BRWD3: variants seen among roughly 807,000 people sequenced by gnomAD.
The protein encoded by BRWD3 is bromodomain and WD repeat-containing protein 3.
A neutral mutation model predicts 149.7 loss-of-function variants in BRWD3; 10 were observed. The ratio of observed to expected loss-of-function variants is 0.07; its 90% CI spans 0.04 to 0.11. BRWD3 has a LOEUF of 0.11. BRWD3 is among the 10% of genes least tolerant of loss of function. The probability of loss-of-function intolerance (pLI) is 1.00; values close to 1 mark genes in which losing one functional copy is unlikely to be tolerated. For synonymous variants in BRWD3, 504 were observed against 456.7 expected (o/e 1.10, Z -1.32); for missense variants, 940 against 1,373.2 (o/e 0.68, Z 4.99).
At chrX:80,712,741 G>A (rs1480273155) in intron 20 of BRWD3, among the ~76,000 whole-genome samples, 2 of 109,506 alleles carry the variant, frequency 1.8e-5, no homozygotes, top group African/African-American at 6.6e-5. Context: ...CTGAGATGTG[G>A]GGAGCGCCTC....
chrX:80,717,646 T>C lies in BRWD3; in HGVS notation c.2158A>G (p.Met720Val). ...GCCATGAGATCTCTTTCAGTGGCCA[T>C]CTGGCTCCGAGGAGCATTGTTATGC... ...QMHNNAPRSQ[M>V]ATERDLMAWS... is the part of the protein sequence containing the mutation. The change falls in exon 19 of 41, where the codon ATG (methionine) becomes GTG (valine). Residue 720 changes from methionine to valine, a missense_variant. By Grantham distance (21) the Met-to-Val change is conservative (BLOSUM62 1). Around this residue, in one of 6 missense-constraint regions of BRWD3, gnomAD observed 103 missense variants for 103.2 expected, o/e 1.00. Transcript: ENST00000373275. 1 of 1,211,625 alleles carries C rather than the reference T, an allele frequency of 8.3e-7. No homozygotes were observed. The highest frequency in any genetic ancestry group is 1.1e-6 in the Non-Finnish European group (1 of 895,191).
At chrX:80,750,025 A>C (rs2073644847) in intron 6 of BRWD3, among the ~76,000 whole-genome samples, 1 of 112,051 alleles carries the variant, frequency 8.9e-6, no homozygotes, top group Admixed American at 9.5e-5. Flanking sequence ...GTGCTGGGAA[A>C]CTGGATATCT....
At position 80,692,079 on chromosome X, in the gene BRWD3, G is replaced by A; in HGVS notation, c.3325+10C>T. ...AAGAATTATAATTCATTTTTTAAAA[G>A]CATATTTACTTCCTTCTGGAATTGG... On this transcript the variant is annotated intron_variant, in intron 29 of 40. Transcript: ENST00000373275. The A allele has an allele frequency of 1.7e-6, 2 of 1,199,034 alleles. No individual in the cohort carries two copies. Among genetic ancestry groups the A allele is most frequent in the Non-Finnish European group, 2.3e-6 (2 of 885,720 alleles).
rs771767693 is a variant in BRWD3 at position 80,670,559 on chromosome X, C to G, written c.*6050G>C. ...CTCCCAAGTACCTGGGACTTACAGG[C>G]ACACACAACCATGCCCAGCTAATTA... On this transcript the variant is annotated 3_prime_UTR_variant, in exon 41 of 41. Coordinates refer to ENST00000373275, the MANE Select transcript of BRWD3 (RefSeq NM_153252.5). Among the ~76,000 whole-genome samples the G allele has an allele frequency of 1.8e-5, 2 of 109,332 alleles. No homozygotes were observed. Among genetic ancestry groups the G allele is most frequent in the East Asian group, 5.8e-4 (2 of 3,456 alleles). The allele number at this position is 109,332 out of a possible 115,157, so 94.9% of individuals were successfully genotyped here.
chrX:80,696,556 ACACAC>A (rs1473855152), intron 26 of BRWD3, among the ~76,000 whole-genome samples, 178 bp downstream of exon 26: 12 of 109,555 alleles, frequency 1.1e-4, no homozygotes, highest in Non-Finnish European at 2.1e-4. Context: ...ACACACACAC[ACACAC>A]ACAAATATAA....
chrX:80,695,098 A>G (rs1170282923), intron 27 of BRWD3, among the ~76,000 whole-genome samples: 1 of 111,103 alleles, frequency 9.0e-6, no homozygotes, highest in Non-Finnish European at 1.9e-5. Context: ...GTGAGTTTTC[A>G]CAAGATCTGA....
At chrX:80,801,128 T>C (rs2074290362) in intron 4 of BRWD3, among the ~76,000 whole-genome samples, 1 of 106,154 alleles carries the variant, frequency 9.4e-6, no homozygotes, top group African/African-American at 3.4e-5. Context: ...ATCATGCTTC[T>C]AAAAAAAGTT....
intron 6 of BRWD3, among the ~76,000 whole-genome samples, chrX:80,750,058 A>G (rs1250968710): frequency 8.9e-6 from 1 of 111,930 alleles, no homozygotes; most frequent in Non-Finnish European, 1.9e-5. Flanking sequence ...ATGAAATTGA[A>G]CCCTATTCTC....
intron 10 of BRWD3, 44 bp downstream of exon 10, chrX:80,735,083 G>A (rs377755818): frequency 3.5e-5 from 37 of 1,068,353 alleles, no homozygotes; most frequent in East Asian, 1.2e-4. Context: ...CAACTGGATC[G>A]TTAAATATTC....
chrX:80,733,084 C>G (rs6616699), intron 12 of BRWD3: 1 of 114,193 alleles, frequency 8.8e-6, no homozygotes, highest in African/African-American at 3.5e-5. Context: ...GAGCCAAGAT[C>G]GCACCACCGC....
chrX:80,736,091 T>TAAAA lies in BRWD3; in HGVS notation c.814-7_814-4dup. On this transcript the variant is annotated splice_polypyrimidine_tract_variant and splice_region_variant and intron_variant, in intron 8 of 40. Coordinates refer to ENST00000373275, the MANE Select transcript of BRWD3 (RefSeq NM_153252.5). ...GTGCCTTTAGTTGATGGACAAAACT[T>TAAAA]AAAAAAAAAAAAATCTGATTCAAAT... 1.1e-6 allele frequency: 1 copy of TAAAA among 917,973 alleles called. No individual in the cohort carries two copies. The highest frequency in any genetic ancestry group is 1.5e-6 in the Non-Finnish European group (1 of 673,290). The allele number at this position is 917,973 out of a possible 1,213,427, so 75.7% of individuals were successfully genotyped here. A position where few individuals can be genotyped will look rare whatever the true frequency, so the allele number is the denominator to read the frequency against.
At chrX:80,746,882 G>A in intron 6 of BRWD3, 1 of 729,940 alleles carries the variant, frequency 1.4e-6, no homozygotes, top group South Asian at 7.0e-5. Flanking sequence ...CATTTTAACT[G>A]ACAAAATGAC....
intron 6 of BRWD3, among the ~76,000 whole-genome samples, chrX:80,772,449 C>T (rs1602418530): frequency 9.0e-6 from 1 of 110,647 alleles, no homozygotes; most frequent in African/African-American, 3.3e-5. Context: ...CGGGGAACAT[C>T]ACACCCTGGG....
intron 14 of BRWD3, among the ~76,000 whole-genome samples, chrX:80,726,273 TTA>T (rs776780477): frequency 1.1e-5 from 1 of 88,166 alleles, no homozygotes; most frequent in Admixed American, 1.1e-4. Context: ...CGTTTACATG[TTA>T]TGTCTGTATA....
chrX:80,780,467 C>T (rs1405453079), intron 6 of BRWD3, among the ~76,000 whole-genome samples: 1 of 111,238 alleles, frequency 9.0e-6, no homozygotes, highest in Non-Finnish European at 1.9e-5. Flanking sequence ...ATATAAGGGG[C>T]TAGAAACACA....
At chrX:80,744,312 C>T (rs2073561043) in intron 7 of BRWD3, 59 bp from the exon 8 acceptor site, 1 of 890,733 alleles carries the variant, frequency 1.1e-6, no homozygotes, top group Admixed American at 2.3e-5. Context: ...ATACCCCCAC[C>T]CAAAAAATAG....
intron 4 of BRWD3, among the ~76,000 whole-genome samples, chrX:80,795,217 CAAT>C (rs1256407066): frequency 2.7e-5 from 3 of 110,483 alleles, no homozygotes; most frequent in Non-Finnish European, 5.7e-5. Flanking sequence ...ATTGTTAAAA[CAAT>C]AAAAAGAAAA....
chrX:80,708,814 CAA>C (rs1321238456), intron 21 of BRWD3, among the ~76,000 whole-genome samples: 10 of 60,046 alleles, frequency 1.7e-4, no homozygotes, highest in African/African-American at 6.3e-5. Flanking sequence ...GACTCCATCT[CAA>C]AAAAAAAAAA....
At chrX:80,722,923 T>C (rs2073170638) in intron 16 of BRWD3, 136 bp from the exon 17 acceptor site, 3 of 545,537 alleles carry the variant, frequency 5.5e-6, no homozygotes. Flanking sequence ...TTGCCCTGTA[T>C]TCCCTTTAGG....
Sources: allele counts gnomAD v4.1 joint callset (sites outside exome capture counted in the v4.1 genomes callset), GRCh38; gene constraint gnomAD v4.1.1; regional missense constraint gnomAD v4.1.1; transcripts MANE v1.5; gene names NCBI Gene and HGNC (gene_info 2026-07-23, HGNC 2026-07-21).